Variants in TENM3 observed in about 807,000 individuals in gnomAD.
TENM3 encodes teneurin-3.
A neutral mutation model predicts 255.1 loss-of-function variants in TENM3; 63 were observed. The observed-to-expected ratio is 0.25, with a 90% CI of 0.20 to 0.30. The LOEUF (loss-of-function observed/expected upper bound fraction) is 0.30, where lower values mean the gene tolerates loss of function less well. Ranked by LOEUF, TENM3 falls within the 10% of genes least tolerant of loss-of-function variation. TENM3 has a pLI of 1.00. For missense variants in TENM3, 2,929 were observed against 3,461.1 expected (o/e 0.85, Z 3.86); for synonymous variants, 1,306 against 1,322.3 (o/e 0.99, Z 0.27).
intron 19 of TENM3, among the ~76,000 whole-genome samples, chr4:182,751,086 G>C (rs184165354): frequency 6.6e-6 from 1 of 152,202 alleles, no homozygotes; most frequent in African/African-American, 2.4e-5. Context: ...ACTACATTTT[G>C]TATGTCACTA....
the TENM3 span, among the ~76,000 whole-genome samples, chr4:181,617,897 A>G: frequency 6.6e-6 from 1 of 152,192 alleles, no homozygotes; most frequent in Non-Finnish European, 1.5e-5. Flanking sequence ...CATTTGGTGG[A>G]GCAGAGAAAC....
At chr4:181,731,654 A>C in the TENM3 span, among the ~76,000 whole-genome samples, 5 of 152,298 alleles carry the variant, frequency 3.3e-5, no homozygotes, top group South Asian at 6.2e-4. Flanking sequence ...GTTCAAGACA[A>C]TGTGTGTCTT....
chr4:182,219,550 A>G (rs776165949), intron 1 of TENM3, among the ~76,000 whole-genome samples: 6 of 152,048 alleles, frequency 3.9e-5, no homozygotes, highest in Non-Finnish European at 7.4e-5. Flanking sequence ...CTTTAATCCC[A>G]GCTACTCAGG....
At chr4:181,983,401 C>A in the TENM3 span, among the ~76,000 whole-genome samples, 2 of 152,106 alleles carry the variant, frequency 1.3e-5, no homozygotes, top group African/African-American at 2.4e-5. Flanking sequence ...GATAATGACA[C>A]CCTTTCTCAG....
At chr4:181,605,542 GAA>G in the TENM3 span, among the ~76,000 whole-genome samples, 1,510 of 25,744 alleles carry the variant, frequency 0.059, 191 homozygotes, top group Non-Finnish European at 0.08. Context: ...AAGAAAGAAA[GAA>G]AGAAAGAAAG....
chr4:182,679,267 C>T (rs142953928), intron 7 of TENM3, among the ~76,000 whole-genome samples: 2,687 of 152,170 alleles, frequency 0.018, 34 homozygotes, highest in Middle Eastern at 0.031. Flanking sequence ...ACTCAAAATA[C>T]GTACGACTAT....
At chr4:181,838,390 TA>T in the TENM3 span, among the ~76,000 whole-genome samples, 1 of 152,236 alleles carries the variant, frequency 6.6e-6, no homozygotes, top group Non-Finnish European at 1.5e-5. Flanking sequence ...ATTGATGTGT[TA>T]ATATACTTTT....
chr4:182,608,559 T>C lies in TENM3; in HGVS notation c.749+7398T>C, dbSNP rs1479524506. 7.2e-5 allele frequency among the ~76,000 whole-genome samples: 11 copies of C among 152,312 alleles called. No individual in the cohort carries two copies. The East Asian group carries it at 2.1e-3, about 29-fold the overall frequency. On this transcript the variant is annotated intron_variant, in intron 4 of 27. Transcript: ENST00000511685. The stretch of plus-strand genomic sequence containing the variant: ...CGCTGGGACAGTGAGGAGGGCTGTC[T>C]CCTTTTTGGTGTTAGCTGTGTTGAT...
intron 4 of TENM3, among the ~76,000 whole-genome samples, chr4:182,625,010 G>T (rs889836269): frequency 3.3e-5 from 5 of 152,132 alleles, no homozygotes; most frequent in African/African-American, 1.2e-4. Flanking sequence ...GAGGATGAAG[G>T]CTGAAAATAC....
At chr4:181,914,482 G>T in the TENM3 span, among the ~76,000 whole-genome samples, 1 of 151,960 alleles carries the variant, frequency 6.6e-6, no homozygotes, top group Admixed American at 6.6e-5. Context: ...TTTATATATC[G>T]TGTCTCTCCT....
intron 1 of TENM3, among the ~76,000 whole-genome samples, chr4:182,159,200 C>G (rs552822163): frequency 7.6e-4 from 115 of 152,278 alleles, no homozygotes; most frequent in African/African-American, 2.3e-3. Context: ...CTTCAGTTGT[C>G]GGAGTCATTG....
chr4:181,726,802 G>T, the TENM3 span, among the ~76,000 whole-genome samples: 3 of 152,130 alleles, frequency 2.0e-5, no homozygotes, highest in South Asian at 6.2e-4. Flanking sequence ...CCAAATTTCT[G>T]ATGACAACAG....
chr4:181,648,796 CAGCAAAGATGCCTG>C, the TENM3 span, among the ~76,000 whole-genome samples: 1 of 152,094 alleles, frequency 6.6e-6, no homozygotes, highest in Non-Finnish European at 1.5e-5. Context: ...GGTGTGTTAC[CAGCAAAGATGCCTG>C]AGCCAAGACC....
rs376077790 is a variant in TENM3 at position 182,730,196 on chromosome 4, A to G, written c.2586-4A>G. 10 of 1,613,488 alleles carry G rather than the reference A, an allele frequency of 6.2e-6. No individual in the cohort carries two copies. The highest frequency in any genetic ancestry group is 2.2e-5 in the South Asian group (2 of 91,000). On this transcript the variant is annotated splice_region_variant and splice_polypyrimidine_tract_variant and intron_variant, in intron 14 of 27. Transcript: ENST00000511685. ...TCATTCTCATTCTTCTGCTTTTCCA[A>G]CAGCCTTGCATCTGTCATCAGAGGC... is the stretch of plus-strand genomic sequence containing the variant.
chr4:182,537,268 G>T (rs1041381056), intron 3 of TENM3, among the ~76,000 whole-genome samples: 3 of 152,122 alleles, frequency 2.0e-5, no homozygotes, highest in African/African-American at 7.2e-5. Context: ...TTTCAAAAAG[G>T]CTAGCTCCTG....
At chr4:181,949,616 C>T in the TENM3 span, among the ~76,000 whole-genome samples, 1 of 152,206 alleles carries the variant, frequency 6.6e-6, no homozygotes, top group Admixed American at 6.5e-5. Context: ...TATTCCTCCG[C>T]ATGAAAGCTA....
At chr4:181,667,780 G>A in the TENM3 span, among the ~76,000 whole-genome samples, 1 of 152,068 alleles carries the variant, frequency 6.6e-6, no homozygotes, top group Non-Finnish European at 1.5e-5. Context: ...CACAGAATGG[G>A]CTAAGACACT....
chr4:181,999,693 C>T, the TENM3 span, among the ~76,000 whole-genome samples: 1 of 152,146 alleles, frequency 6.6e-6, no homozygotes, highest in Admixed American at 6.6e-5. Context: ...TTAAAATGGC[C>T]TATATCACTT....
the TENM3 span, among the ~76,000 whole-genome samples, chr4:182,064,217 T>C: frequency 3.3e-5 from 5 of 151,626 alleles, no homozygotes; most frequent in African/African-American, 4.8e-5. Context: ...AAGGATCCAA[T>C]TTGACTTCAC....
Sources: gnomAD v4.1 joint callset for allele counts (sites outside exome capture counted in the v4.1 genomes callset) on GRCh38, gnomAD v4.1.1 for gene constraint, MANE v1.5 for transcripts, NCBI Gene and HGNC (gene_info 2026-07-23, HGNC 2026-07-21) for gene names.